ARHGAP24: variants seen among roughly 807,000 people sequenced by gnomAD.
ARHGAP24 encodes the protein Rho GTPase activating protein 24.
In ARHGAP24, 50 loss-of-function variants were observed where a neutral mutation model predicts 76.4. The ratio of observed to expected loss-of-function variants is 0.65; its 90% confidence interval spans 0.52 to 0.83. ARHGAP24 has a LOEUF of 0.83. Among genes scored for constraint, ARHGAP24 ranks in the 40% least tolerant of loss-of-function variants. The pLI, the probability that ARHGAP24 is intolerant of heterozygous loss-of-function variation, is 0.00. For missense variants in ARHGAP24, 930 were observed against 914.2 expected (o/e 1.02, Z -0.22); for synonymous variants, 345 against 323.3 (o/e 1.07, Z -0.72).
chr4:85,862,572 T>C (rs948069673), intron 3 of ARHGAP24, among the ~76,000 whole-genome samples: 2 of 152,108 alleles, frequency 1.3e-5, no homozygotes, highest in Non-Finnish European at 2.9e-5. Flanking sequence ...AGGCCATATT[T>C]AGTTTGCTTT....
chr4:85,589,637 T>G (rs1461905026), intron 2 of ARHGAP24, among the ~76,000 whole-genome samples: 1 of 152,178 alleles, frequency 6.6e-6, no homozygotes, highest in African/African-American at 2.4e-5. Context: ...ATATTTTTTG[T>G]TTCCTTCGCT....
At chr4:85,880,731 G>A (rs1020423021) in intron 3 of ARHGAP24, among the ~76,000 whole-genome samples, 1 of 152,060 alleles carries the variant, frequency 6.6e-6, no homozygotes, top group African/African-American at 2.4e-5. Context: ...GGGTTTCACC[G>A]TCTTAGCCAG....
chr4:85,674,249 A>G (rs1259506858), intron 2 of ARHGAP24, among the ~76,000 whole-genome samples: 2 of 152,182 alleles, frequency 1.3e-5, no homozygotes, highest in Non-Finnish European at 2.9e-5. Flanking sequence ...AACCACTGCC[A>G]TAGCAGAAAT....
chr4:85,802,817 C>T lies in ARHGAP24; in HGVS notation c.268+80845C>T, dbSNP rs201858307. On this transcript the variant is annotated intron_variant, in intron 3 of 9. Transcript: ENST00000395184. ...AAAAACGAACAAACAAACAAAAAAC[C>T]GAAACTTTAGTTATAAAGGAAAAGA... Among the ~76,000 whole-genome samples, 59 of 152,024 alleles carry T rather than the reference C, an allele frequency of 3.9e-4. 1 individual carries two copies. In the East Asian group the frequency reaches 9.3e-3, roughly 24 times the overall value.
At chr4:85,702,564 A>T (rs1294170544) in intron 2 of ARHGAP24, among the ~76,000 whole-genome samples, 1 of 152,210 alleles carries the variant, frequency 6.6e-6, no homozygotes, top group Non-Finnish European at 1.5e-5. Flanking sequence ...TATAAGATAC[A>T]TTATTGAAAC....
At chr4:85,948,607 C>T (rs1737420660) in intron 5 of ARHGAP24, among the ~76,000 whole-genome samples, 1 of 152,024 alleles carries the variant, frequency 6.6e-6, no homozygotes, top group African/African-American at 2.4e-5. Flanking sequence ...AAATATTGTC[C>T]AAAGTTTATG....
At chr4:85,714,243 G>C (rs115612753) in intron 2 of ARHGAP24, among the ~76,000 whole-genome samples, 12 of 152,050 alleles carry the variant, frequency 7.9e-5, no homozygotes, top group Non-Finnish European at 1.5e-5. Flanking sequence ...AGGATCCTCC[G>C]GTCTAAAAAG....
At chr4:85,931,160 A>G (rs1736310874) in intron 4 of ARHGAP24, 2 of 1,057,596 alleles carry the variant, frequency 1.9e-6, no homozygotes, top group South Asian at 3.5e-5. Context: ...TTAGGACTGT[A>G]CAAGAGTGAT....
intron 1 of ARHGAP24, among the ~76,000 whole-genome samples, chr4:85,557,121 C>T (rs1726410950): frequency 6.6e-6 from 1 of 152,214 alleles, no homozygotes; most frequent in African/African-American, 2.4e-5. Context: ...AGCTCTGTCC[C>T]AGGGAATTGC....
chr4:85,792,997 T>C, intron 3 of ARHGAP24, among the ~76,000 whole-genome samples: 1 of 152,152 alleles, frequency 6.6e-6, no homozygotes, highest in Admixed American at 6.5e-5. Context: ...CATCATAAAT[T>C]AAAGACAATA....
intron 3 of ARHGAP24, among the ~76,000 whole-genome samples, chr4:85,800,042 G>A (rs1728513679): frequency 6.6e-6 from 1 of 152,068 alleles, no homozygotes; most frequent in Non-Finnish European, 1.5e-5. Context: ...ATCTTCAATT[G>A]GATCCAGGAA....
chr4:85,503,393 A>C (rs1392255461), intron 1 of ARHGAP24, among the ~76,000 whole-genome samples: 1 of 152,022 alleles, frequency 6.6e-6, no homozygotes, highest in African/African-American at 2.4e-5. Flanking sequence ...TCAATTTCAG[A>C]GCCTGTTATT....
intron 2 of ARHGAP24, among the ~76,000 whole-genome samples, chr4:85,664,324 G>C (rs1217433500): frequency 6.6e-6 from 1 of 151,006 alleles, no homozygotes; most frequent in Non-Finnish European, 1.5e-5. Context: ...ATTCTCTGAT[G>C]ATAGTTTGTA....
intron 3 of ARHGAP24, among the ~76,000 whole-genome samples, chr4:85,898,456 A>G (rs1734318965): frequency 6.6e-6 from 1 of 152,196 alleles, no homozygotes; most frequent in Admixed American, 6.5e-5. Flanking sequence ...GAGCAAGATG[A>G]CTGTCTCAGG....
chr4:85,816,248 C>T (rs1341429053), intron 3 of ARHGAP24, among the ~76,000 whole-genome samples: 1 of 152,176 alleles, frequency 6.6e-6, no homozygotes, highest in East Asian at 1.9e-4. Context: ...CATTAGGTCT[C>T]CAGAACATAT....
At chr4:85,796,797 T>C (rs1009909160) in intron 3 of ARHGAP24, among the ~76,000 whole-genome samples, 2 of 152,142 alleles carry the variant, frequency 1.3e-5, no homozygotes, top group Non-Finnish European at 1.5e-5. Flanking sequence ...CGCTATGGCC[T>C]TGACTCACTA....
chr4:85,611,500 G>T (rs887047890), intron 2 of ARHGAP24, among the ~76,000 whole-genome samples: 2 of 152,168 alleles, frequency 1.3e-5, no homozygotes, highest in African/African-American at 4.8e-5. Context: ...TAGGGATTTA[G>T]AAATTGTGTT....
At chr4:85,848,048 C>T (rs928814762) in intron 3 of ARHGAP24, among the ~76,000 whole-genome samples, 5 of 152,068 alleles carry the variant, frequency 3.3e-5, no homozygotes, top group Non-Finnish European at 7.4e-5. Context: ...ACTTTTCTCC[C>T]CCTTTCACCA....
At chr4:85,903,560 G>A (rs1734613527) in intron 3 of ARHGAP24, among the ~76,000 whole-genome samples, 1 of 151,952 alleles carries the variant, frequency 6.6e-6, no homozygotes, top group Non-Finnish European at 1.5e-5. Flanking sequence ...GCAGCATAAA[G>A]CTGCTACAAT....
Sources: allele counts gnomAD v4.1 joint callset (sites outside exome capture counted in the v4.1 genomes callset), GRCh38; gene constraint gnomAD v4.1.1; transcripts MANE v1.5; gene names NCBI Gene and HGNC (gene_info 2026-07-23, HGNC 2026-07-21).